Variants in TARS3 observed in about 807,000 individuals in gnomAD.
TARS3 encodes threonine--tRNA ligase 2, cytoplasmic.
Under a neutral mutation model 103.5 loss-of-function variants are expected in TARS3, and 94 were observed. The observed-to-expected ratio is 0.91, with a 90% CI of 0.77 to 1.08. TARS3 has a LOEUF of 1.08. Among genes scored for constraint, TARS3 ranks in the 50% least tolerant of loss-of-function variants. The pLI, the probability that TARS3 is intolerant of heterozygous loss-of-function variation, is 0.00. For synonymous variants in TARS3, 416 were observed against 355.4 expected (o/e 1.17, Z -1.92); for missense variants, 952 against 995.2 (o/e 0.96, Z 0.58).
Position 101,724,141 on chromosome 15 carries a change from C to G in TARS3, c.247G>C (p.Ala83Pro). The stretch of plus-strand genomic sequence containing the variant: ...TCTAGCTCCGCGCTCTCCAGCGTGG[C>G]CTGGCGGCTCCGCTCCTCGGCGAGG... ...LCLAEERSRQ[A>P]TLESAELEAA... The change falls in exon 1 of 19, where the codon GCC becomes CCC. Residue 83 changes from alanine (A) to proline (P), a missense_variant. Physicochemically the swap from Ala to Pro is conservative, Grantham distance 27 (BLOSUM62 -1). Coordinates refer to ENST00000335968, the MANE Select transcript of TARS3 (RefSeq NM_152334.3). 1 of 1,448,328 alleles carries G rather than the reference C, an allele frequency of 6.9e-7. No individual in the cohort carries two copies. The highest frequency in any genetic ancestry group is 9.1e-7 in the Non-Finnish European group (1 of 1,100,920). 89.7% of individuals were successfully genotyped at this position (1,448,328 alleles called of 1,614,324 possible). A position where few individuals can be genotyped will look rare whatever the true frequency, so the allele number is the denominator to read the frequency against.
At chr15:101,716,773 T>A (rs143625363) in intron 3 of TARS3, among the ~76,000 whole-genome samples, 206 of 152,250 alleles carry the variant, frequency 1.4e-3, no homozygotes, top group Non-Finnish European at 2.2e-3. Flanking sequence ...AAAATTTTCC[T>A]ACTAGCAGAG....
intron 3 of TARS3, among the ~76,000 whole-genome samples, chr15:101,715,764 G>A (rs1380877776): frequency 6.6e-6 from 1 of 152,088 alleles, no homozygotes; most frequent in African/African-American, 2.4e-5. Flanking sequence ...ATATCACACA[G>A]ACATCTGTAC....
intron 10 of TARS3, among the ~76,000 whole-genome samples, chr15:101,697,166 T>C (rs561769537): frequency 6.6e-6 from 1 of 152,328 alleles, no homozygotes; most frequent in African/African-American, 2.4e-5. Context: ...CCAGAAGCTA[T>C]GAAGCTTCCT....
In TARS3 at chr15:101,703,900, C is replaced by T; in HGVS notation, c.1033G>A (p.Val345Ile). The T allele has an allele frequency of 6.2e-7, 1 of 1,613,250 alleles. No homozygotes were observed. The highest frequency in any genetic ancestry group is 8.5e-7 in the Non-Finnish European group (1 of 1,179,690). The change falls in exon 8 of 19, where the codon GTA (valine) becomes ATA (isoleucine). Residue 345 changes from valine (V) to isoleucine (I), a missense_variant. This residue lies in a region of TARS3 where 540 missense variants were observed against 631.0 expected (regional missense o/e 0.86). Coordinates refer to ENST00000335968, the MANE Select transcript of TARS3 (RefSeq NM_152334.3). Reference sequence around the variant, plus strand: ...GTTTTAATTTTTCCAGTGTGTCTTACATGTGGACCTTTGCAAAGGTCAATT... The same window carrying T: ...GTTTTAATTTTTCCAGTGTGTCTTATATGTGGACCTTTGCAAAGGTCAATT... ...PLIDLCKGPH[V>I]RHTGKIKTIK... is the part of the protein sequence containing the mutation.
intron 2 of TARS3, among the ~76,000 whole-genome samples, chr15:101,722,624 G>A (rs1900535929): frequency 7.6e-6 from 1 of 131,262 alleles, no homozygotes; most frequent in Non-Finnish European, 1.6e-5. Context: ...GGCTAACACG[G>A]TGAAACCCCA....
intron 3 of TARS3, among the ~76,000 whole-genome samples, chr15:101,715,215 C>CTGCAGT (rs1900086585): frequency 6.8e-6 from 1 of 147,876 alleles, no homozygotes; most frequent in African/African-American, 2.5e-5. Flanking sequence ...GGCGGGATCT[C>CTGCAGT]GGCTCACTGC....
intron 18 of TARS3, among the ~76,000 whole-genome samples, chr15:101,655,304 G>A (rs1345731039): frequency 8.3e-6 from 1 of 119,888 alleles, no homozygotes; most frequent in Non-Finnish European, 1.7e-5. Flanking sequence ...CTAGGGCGCA[G>A]ATGAGAGGGG....
chr15:101,661,999 T>A (rs1481224692), intron 15 of TARS3, among the ~76,000 whole-genome samples, 183 bp from the exon 16 acceptor site: 2 of 152,212 alleles, frequency 1.3e-5, no homozygotes, highest in African/African-American at 4.8e-5. Context: ...TCTTTTATTT[T>A]AAAAACTTTT....
At chr15:101,673,275 C>G (rs1897885841) in intron 13 of TARS3, among the ~76,000 whole-genome samples, 1 of 152,170 alleles carries the variant, frequency 6.6e-6, no homozygotes, top group South Asian at 2.1e-4. Flanking sequence ...GGACTTCCAG[C>G]CTATTCTCCC....
At chr15:101,705,900 A>G (rs555580358) in intron 6 of TARS3, among the ~76,000 whole-genome samples, 153 bp from the exon 7 acceptor site, 1 of 152,290 alleles carries the variant, frequency 6.6e-6, no homozygotes, top group Non-Finnish European at 1.5e-5. Context: ...CTTGAGCGAC[A>G]CCGTGCAGCA....
rs567393778 is a variant in TARS3 at position 101,672,323 on chromosome 15, G to A, written c.1789-575C>T. ...CCACATGCCTTCAACTTAGCTTGTA[G>A]TGAAGATGTTCCACATTGAAGGTGA... is the stretch of plus-strand genomic sequence containing the variant. On this transcript the variant is annotated intron_variant, in intron 13 of 18. Coordinates refer to ENST00000335968, the MANE Select transcript of TARS3 (RefSeq NM_152334.3). 3.3e-5 allele frequency among the ~76,000 whole-genome samples: 5 copies of A among 152,326 alleles called. No homozygotes were observed. In the South Asian group the frequency reaches 1.0e-3, roughly 32 times the overall value.
chr15:101,693,444 C>G (rs77144212), intron 10 of TARS3, among the ~76,000 whole-genome samples: 1 of 152,092 alleles, frequency 6.6e-6, no homozygotes, highest in Non-Finnish European at 1.5e-5. Flanking sequence ...CAATTATCTC[C>G]GCCTGGCCCC....
intron 10 of TARS3, among the ~76,000 whole-genome samples, chr15:101,689,825 C>T (rs1236763130): frequency 6.6e-6 from 1 of 152,150 alleles, no homozygotes; most frequent in Non-Finnish European, 1.5e-5. Flanking sequence ...CCCTAGGAAA[C>T]TAATGCACCC....
In TARS3 at chr15:101,654,698, C is replaced by T; in HGVS notation, c.2293G>A (p.Val765Ile). The change falls in exon 19 of 19, where the codon GTA becomes ATA. Residue 765 changes from valine to isoleucine, a missense_variant. Coordinates refer to ENST00000335968, the MANE Select transcript of TARS3 (RefSeq NM_152334.3). ...TTGTTGTCTCTTGTTCGCACGTTTA[C>T]AGCATTATCTATCTTTTCCTTTTCT... ...VGEKEKIDNA[V>I]NVRTRDNKIH... The T allele has an allele frequency of 6.2e-7, 1 of 1,613,924 alleles. No individual in the cohort carries two copies. Among genetic ancestry groups the T allele is most frequent in the Non-Finnish European group, 8.5e-7 (1 of 1,179,930 alleles).
chr15:101,675,457 T>G, intron 13 of TARS3, 143 bp downstream of exon 13: 2 of 725,012 alleles, frequency 2.8e-6, no homozygotes, highest in Non-Finnish European at 4.5e-6. Context: ...GATAACCACA[T>G]TCTACAACCT....
Position 101,685,959 on chromosome 15 carries a change from A to G in TARS3, c.1424T>C (p.Met475Thr), listed in dbSNP as rs962234366. Residue 475 changes from methionine to threonine, a missense_variant, in exon 11 of 19, where the codon ATG becomes ACG. Met to Thr is a moderately conservative substitution (Grantham distance 81). This residue lies in a region of TARS3 where 540 missense variants were observed against 631.0 expected (regional missense o/e 0.86). Transcript: ENST00000335968. ...SGHWQHYSENMFTFEIEKDTF... is the reference protein window; with the variant it reads ...SGHWQHYSENTFTFEIEKDTF... ...GTCCTTTTCAATCTCAAAGGTAAAC[A>G]TGTTCTCGCTGTAATGCTGCCAGTG... 6.2e-7 allele frequency: 1 copy of G among 1,614,066 alleles called. No individual in the cohort carries two copies. Among genetic ancestry groups the G allele is most frequent in the Non-Finnish European group, 8.5e-7 (1 of 1,179,952 alleles).
At position 101,703,795 on chromosome 15, in the gene TARS3, A is replaced by G. The variant is rs535602075; in HGVS notation, c.1074+64T>C. 9.2e-6 allele frequency: 9 copies of G among 975,904 alleles called. No individual in the cohort carries two copies. The South Asian group carries it at 1.2e-4, about 13-fold the overall frequency. The allele number at this position is 975,904 out of a possible 1,614,324, so 60.5% of individuals were successfully genotyped here. ...AAAAGATATGATTGAATAAGATATG[A>G]TTAAAATCCTTTAATAGCTAGTGCA... On this transcript the variant is annotated intron_variant, in intron 8 of 18. Transcript: ENST00000335968.
chr15:101,661,120 G>GACCACAAGATGCACCACTCAAAAAGA, intron 16 of TARS3, among the ~76,000 whole-genome samples: 1 of 152,036 alleles, frequency 6.6e-6, no homozygotes, highest in Non-Finnish European at 1.5e-5. Context: ...ACTCAAAAAG[G>GACCACAAGATGCACCACTCAAAAAGA]ACCACAAGAT....
intron 15 of TARS3, among the ~76,000 whole-genome samples, chr15:101,665,045 A>G (rs1897527088): frequency 6.6e-6 from 1 of 152,256 alleles, no homozygotes; most frequent in Non-Finnish European, 1.5e-5. Flanking sequence ...AATAGAATGT[A>G]TCCAATCTGA....
Sources: allele counts gnomAD v4.1 joint callset (sites outside exome capture counted in the v4.1 genomes callset), GRCh38; gene constraint gnomAD v4.1.1; regional missense constraint gnomAD v4.1.1; transcripts MANE v1.5; gene names NCBI Gene and HGNC (gene_info 2026-07-23, HGNC 2026-07-21).